TMEM232: variants seen among roughly 807,000 people sequenced by gnomAD.
TMEM232 encodes the protein transmembrane protein 232.
A neutral mutation model predicts 78.8 loss-of-function variants in TMEM232; 80 were observed. That is an observed-to-expected ratio of 1.01 (90% confidence interval 0.85 to 1.22). TMEM232 has a LOEUF of 1.22. TMEM232 is among the 50% of genes most tolerant of loss of function. The probability of loss-of-function intolerance (pLI) is 0.00; values close to 1 mark genes in which losing one functional copy is unlikely to be tolerated. For synonymous variants in TMEM232, 297 were observed against 254.3 expected, an observed-to-expected ratio of 1.17 and a Z score of -1.60; for missense variants, 881 against 742.2, an observed-to-expected ratio of 1.19 and a Z score of -2.17.
chr5:110,420,710 T>C lies in TMEM232; in HGVS notation c.1844A>G (p.Lys615Arg). Reference protein sequence around the residue: ...KIREKEDAICKAQELKDKKLA... With the variant: ...KIREKEDAICRAQELKDKKLA... ...CTTTTTATCTTTAAGTTCTTGGGCC[T>C]TGCATATTGCATCTTCTTTTTCTCG... Residue 615 changes from lysine (K) to arginine (R), a missense_variant, in exon 14 of 14, where the codon AAG (lysine) becomes AGG (arginine). Physicochemically the swap from Lys to Arg is conservative, Grantham distance 26. Transcript: ENST00000455884. 4 of 1,526,292 alleles carry C rather than the reference T, an allele frequency of 2.6e-6. No homozygotes were observed. Among genetic ancestry groups the C allele is most frequent in the African/African-American group, 1.4e-5 (1 of 72,290 alleles). 94.5% of individuals were successfully genotyped at this position (1,526,292 alleles called of 1,614,324 possible).
At chr5:110,487,893 T>A (rs1447197539) in intron 12 of TMEM232, among the ~76,000 whole-genome samples, 5 of 152,002 alleles carry the variant, frequency 3.3e-5, no homozygotes, top group Non-Finnish European at 5.9e-5. Context: ...TCTTTCTCTA[T>A]CTTGTGGAAT....
chr5:110,494,681 A>G (rs1470581125), intron 12 of TMEM232, among the ~76,000 whole-genome samples: 1 of 152,114 alleles, frequency 6.6e-6, no homozygotes, highest in Admixed American at 6.6e-5. Context: ...AATAACAAAA[A>G]CTAAAAAGAA....
intron 2 of TMEM232, among the ~76,000 whole-genome samples, chr5:110,402,735 G>A (rs1403658938): frequency 6.6e-6 from 1 of 152,020 alleles, no homozygotes; most frequent in Non-Finnish European, 1.5e-5. Flanking sequence ...TTCATCCATT[G>A]ACTCAAGACT....
At chr5:110,697,389 C>T (rs1431086887) in intron 1 of TMEM232, among the ~76,000 whole-genome samples, 1 of 152,150 alleles carries the variant, frequency 6.6e-6, no homozygotes, top group Non-Finnish European at 1.5e-5. Context: ...TAGGCATGGG[C>T]AAGGACTTCA....
chr5:110,634,775 C>G (rs1337891422), intron 5 of TMEM232, among the ~76,000 whole-genome samples: 1 of 151,796 alleles, frequency 6.6e-6, no homozygotes, highest in Non-Finnish European at 1.5e-5. Flanking sequence ...TCTAATGATG[C>G]ACTTCAAGGA....
At chr5:110,726,467 C>G (rs550336098) in intron 1 of TMEM232, among the ~76,000 whole-genome samples, 160 bp downstream of exon 1, 1 of 152,098 alleles carries the variant, frequency 6.6e-6, no homozygotes, top group African/African-American at 2.4e-5. Context: ...CCTGGGGTTG[C>G]GAGTAGTGTT....
At chr5:110,428,568 C>G (rs1486125047) in intron 12 of TMEM232, among the ~76,000 whole-genome samples, 1 of 151,574 alleles carries the variant, frequency 6.6e-6, no homozygotes, top group Non-Finnish European at 1.5e-5. Context: ...TTGACCTAAT[C>G]ACATGAATCA....
intron 12 of TMEM232, 144 bp from the exon 13 acceptor site, chr5:110,425,060 T>C (rs762213894): frequency 1.9e-5 from 13 of 690,242 alleles, no homozygotes; most frequent in Non-Finnish European, 2.9e-5. Flanking sequence ...GACTATGGTA[T>C]GTTAGCTTTT....
intron 10 of TMEM232, among the ~76,000 whole-genome samples, chr5:110,602,688 G>A (rs1443713405): frequency 6.6e-6 from 1 of 152,176 alleles, no homozygotes; most frequent in Non-Finnish European, 1.5e-5. Context: ...CTTTTACACT[G>A]TTGGTGGGAG....
At chr5:110,733,308 A>G (rs1798851716) in intron 2 of TMEM232, among the ~76,000 whole-genome samples, 1 of 152,228 alleles carries the variant, frequency 6.6e-6, no homozygotes, top group African/African-American at 2.4e-5. Flanking sequence ...AGCCAAAATC[A>G]GAACTACCAC....
intron 10 of TMEM232, among the ~76,000 whole-genome samples, chr5:110,589,443 G>A (rs1779237409): frequency 2.0e-5 from 3 of 152,164 alleles, no homozygotes; most frequent in South Asian, 4.1e-4. Context: ...ATTTCTCAAC[G>A]TCACCTTTTG....
chr5:110,711,131 G>C (rs1404401194), intron 1 of TMEM232, among the ~76,000 whole-genome samples: 6 of 152,112 alleles, frequency 3.9e-5, no homozygotes, highest in Non-Finnish European at 8.8e-5. Context: ...TGAAGAATGT[G>C]AAAGAGAAAT....
upstream of TMEM232, among the ~76,000 whole-genome samples, chr5:110,731,090 G>A (rs1444668521): frequency 4.6e-5 from 7 of 152,304 alleles, no homozygotes; most frequent in Admixed American, 3.9e-4. Context: ...CCAAAACAAA[G>A]GGGTTACAGG....
chr5:110,657,175 T>C (rs1789190489), intron 2 of TMEM232, among the ~76,000 whole-genome samples: 1 of 152,202 alleles, frequency 6.6e-6, no homozygotes, highest in Non-Finnish European at 1.5e-5. Flanking sequence ...ACAGCCATAA[T>C]GAATAACACT....
chr5:110,635,779 C>T (rs1191091846), intron 5 of TMEM232, among the ~76,000 whole-genome samples: 1 of 151,674 alleles, frequency 6.6e-6, no homozygotes, highest in Non-Finnish European at 1.5e-5. Context: ...GGCGAGGATA[C>T]AGAGAAAAGA....
intron 1 of TMEM232, among the ~76,000 whole-genome samples, chr5:110,719,308 T>C (rs1328187384): frequency 6.6e-6 from 1 of 152,028 alleles, no homozygotes; most frequent in Non-Finnish European, 1.5e-5. Context: ...TAATTATGCA[T>C]GTGTGTAAAA....
Position 110,627,777 on chromosome 5 carries a change from C to A in TMEM232, c.601+4G>T. 1 of 1,456,748 alleles carries A rather than the reference C, an allele frequency of 6.9e-7. No individual in the cohort carries two copies. The highest frequency in any genetic ancestry group is 1.3e-5 in the South Asian group (1 of 74,678). The allele number at this position is 1,456,748 out of a possible 1,614,324, so 90.2% of individuals were successfully genotyped here. ...TATAAGTGTAAAAATAAAAGATATT[C>A]TACCGTATAAATATGGTTGAAGCCT... On this transcript the variant is annotated splice_donor_region_variant and intron_variant, in intron 6 of 13. Coordinates refer to ENST00000455884, the MANE Select transcript of TMEM232 (RefSeq NM_001039763.4).
intron 10 of TMEM232, among the ~76,000 whole-genome samples, chr5:110,603,714 TAAG>T (rs898885293): frequency 2.6e-5 from 4 of 152,102 alleles, no homozygotes; most frequent in African/African-American, 9.7e-5. Context: ...TTTTTGTACT[TAAG>T]AATAAAGATC....
intron 10 of TMEM232, among the ~76,000 whole-genome samples, chr5:110,570,229 G>C (rs1367401829): frequency 6.6e-6 from 1 of 151,882 alleles, no homozygotes; most frequent in Non-Finnish European, 1.5e-5. Context: ...TTTAAATTGA[G>C]ACATCACAAT....
Sources: gnomAD v4.1 joint callset for allele counts (sites outside exome capture counted in the v4.1 genomes callset) on GRCh38, gnomAD v4.1.1 for gene constraint, MANE v1.5 for transcripts, NCBI Gene and HGNC (gene_info 2026-07-23, HGNC 2026-07-21) for gene names.